Variants in TMEM117 observed in about 807,000 individuals in gnomAD.
TMEM117 encodes transmembrane protein 117.
A neutral mutation model predicts 52.4 loss-of-function variants in TMEM117; 27 were observed. The ratio of observed to expected loss-of-function variants is 0.51; its 90% CI spans 0.38 to 0.71. The LOEUF (loss-of-function observed/expected upper bound fraction) is 0.71, where lower values mean the gene tolerates loss of function less well. TMEM117 is among the 30% of genes least tolerant of loss of function. The pLI is 0.00. For missense variants in TMEM117, 556 were observed against 630.5 expected (o/e 0.88, Z 1.26); for synonymous variants, 215 against 206.3 (o/e 1.04, Z -0.36).
chr12:43,921,746 G>A (rs768941961), intron 2 of TMEM117, among the ~76,000 whole-genome samples: 4 of 152,006 alleles, frequency 2.6e-5, no homozygotes, highest in Non-Finnish European at 5.9e-5. Context: ...AGTTTCCTGA[G>A]GGAAGGAAAA....
intron 6 of TMEM117, among the ~76,000 whole-genome samples, chr12:44,338,619 G>T (rs1951374550): frequency 6.6e-6 from 1 of 151,866 alleles, no homozygotes; most frequent in Admixed American, 6.6e-5. Context: ...AAATATAAAT[G>T]AGAAGCGTAA....
intron 6 of TMEM117, among the ~76,000 whole-genome samples, chr12:44,339,014 A>G (rs553584733): frequency 6.6e-6 from 1 of 152,206 alleles, no homozygotes; most frequent in African/African-American, 2.4e-5. Context: ...CTGCCCAACT[A>G]TTGGCTCTAT....
intron 4 of TMEM117, among the ~76,000 whole-genome samples, chr12:44,186,422 CAAA>C (rs1423334602): frequency 2.6e-5 from 4 of 152,282 alleles, no homozygotes; most frequent in Admixed American, 2.6e-4. Flanking sequence ...GCCAACTTTG[CAAA>C]TTCTCTCTGA....
intron 2 of TMEM117, among the ~76,000 whole-genome samples, chr12:43,923,385 A>G (rs1368833058): frequency 6.6e-6 from 1 of 152,236 alleles, no homozygotes; most frequent in Non-Finnish European, 1.5e-5. Flanking sequence ...TGTTAGATGT[A>G]CAGACCAGGG....
intron 3 of TMEM117, among the ~76,000 whole-genome samples, chr12:44,069,835 T>G (rs930237878): frequency 6.6e-6 from 1 of 152,212 alleles, no homozygotes; most frequent in Non-Finnish European, 1.5e-5. Context: ...TGAAATTGAT[T>G]CAGCCTTTCC....
chr12:43,924,894 C>A (rs1024465462), intron 2 of TMEM117, among the ~76,000 whole-genome samples: 43 of 152,126 alleles, frequency 2.8e-4, no homozygotes, highest in Admixed American at 2.8e-3. Context: ...TGGGATCTCT[C>A]ATGAGGTTGT....
At chr12:44,319,968 A>G (rs1306070718) in intron 6 of TMEM117, among the ~76,000 whole-genome samples, 3 of 151,976 alleles carry the variant, frequency 2.0e-5, no homozygotes, top group Admixed American at 6.6e-5. Flanking sequence ...AGTTCTGTTC[A>G]CTGCCATGGC....
chr12:43,923,963 C>A (rs993798866), intron 2 of TMEM117, among the ~76,000 whole-genome samples: 2 of 152,128 alleles, frequency 1.3e-5, no homozygotes, highest in African/African-American at 4.8e-5. Flanking sequence ...TTATGACCAT[C>A]AAGTGTTAGA....
At chr12:44,368,939 TGATGAA>T (rs1432927773) in intron 6 of TMEM117, among the ~76,000 whole-genome samples, 3 of 152,158 alleles carry the variant, frequency 2.0e-5, no homozygotes, top group African/African-American at 7.2e-5. Context: ...GTTTGATAAC[TGATGAA>T]GATGATCTAA....
chr12:43,883,456 A>G (rs1002794881), intron 2 of TMEM117, among the ~76,000 whole-genome samples: 1 of 152,238 alleles, frequency 6.6e-6, no homozygotes, highest in Non-Finnish European at 1.5e-5. Context: ...TAGATTTCTC[A>G]TAATTTGGAA....
intron 3 of TMEM117, among the ~76,000 whole-genome samples, chr12:44,027,110 T>TC (rs1946546580): frequency 6.8e-6 from 1 of 146,792 alleles, no homozygotes; most frequent in Non-Finnish European, 1.5e-5. Context: ...TTTTATTTTA[T>TC]TTTATCTTAT....
At chr12:44,235,485 T>G (rs551446334) in intron 5 of TMEM117, among the ~76,000 whole-genome samples, 1 of 151,864 alleles carries the variant, frequency 6.6e-6, no homozygotes, top group Non-Finnish European at 1.5e-5. Context: ...CCTTTTTTGA[T>G]GTTTTTGATT....
intron 3 of TMEM117, among the ~76,000 whole-genome samples, chr12:44,038,364 G>A (rs986343611): frequency 4.6e-5 from 7 of 152,124 alleles, no homozygotes; most frequent in African/African-American, 9.7e-5. Context: ...AGTGCCAGCC[G>A]TGGAAGCTGC....
intron 5 of TMEM117, among the ~76,000 whole-genome samples, chr12:44,220,928 A>G (rs1949780159): frequency 6.6e-6 from 1 of 152,208 alleles, no homozygotes; most frequent in Non-Finnish European, 1.5e-5. Context: ...AATTGGAAAG[A>G]AGAGACAAAT....
chr12:43,891,428 A>G (rs1186709681), intron 2 of TMEM117, among the ~76,000 whole-genome samples: 3 of 120,170 alleles, frequency 2.5e-5, no homozygotes, highest in Non-Finnish European at 4.8e-5. Context: ...GCTGGAGTGC[A>G]GTGGCGTGAT....
At chr12:44,205,853 G>T (rs1949558097) in intron 4 of TMEM117, among the ~76,000 whole-genome samples, 1 of 152,200 alleles carries the variant, frequency 6.6e-6, no homozygotes, top group Admixed American at 6.5e-5. Context: ...GCAGTTTGGA[G>T]ATTTCACAAA....
intron 5 of TMEM117, among the ~76,000 whole-genome samples, chr12:44,249,741 A>G (rs1950175039): frequency 6.6e-6 from 1 of 152,218 alleles, no homozygotes; most frequent in Non-Finnish European, 1.5e-5. Flanking sequence ...AGCAATGGGG[A>G]AAGGATTCTC....
intron 3 of TMEM117, among the ~76,000 whole-genome samples, chr12:43,961,360 GTTA>G (rs766344615): frequency 1.3e-5 from 2 of 151,470 alleles, no homozygotes; most frequent in Non-Finnish European, 2.9e-5. Flanking sequence ...AATTGTAATA[GTTA>G]TTATTAATTT....
chr12:43,940,746 G>GTT (rs1242767075), intron 2 of TMEM117, among the ~76,000 whole-genome samples: 1 of 152,114 alleles, frequency 6.6e-6, no homozygotes, highest in African/African-American at 2.4e-5. Flanking sequence ...GTTTCACCAT[G>GTT]TTAGCCAGGC....
Sources: gnomAD v4.1 joint callset for allele counts (sites outside exome capture counted in the v4.1 genomes callset) on GRCh38, gnomAD v4.1.1 for gene constraint, MANE v1.5 for transcripts, NCBI Gene and HGNC (gene_info 2026-07-23, HGNC 2026-07-21) for gene names.